R3HCC1L: variants seen among roughly 807,000 people sequenced by gnomAD.
The protein encoded by R3HCC1L is R3H domain and coiled-coil containing 1 like.
R3HCC1L carries 51 observed loss-of-function variants against 59.9 expected under a neutral mutation model. That is an observed-to-expected ratio of 0.85 (90% CI 0.68 to 1.07). The LOEUF is 1.07. Among genes scored for constraint, R3HCC1L ranks in the 50% least tolerant of loss-of-function variants. The pLI is 0.00. For missense variants in R3HCC1L, 965 were observed against 933.0 expected (o/e 1.03, Z -0.45); for synonymous variants, 322 against 315.2 (o/e 1.02, Z -0.23).
intron 2 of R3HCC1L, among the ~76,000 whole-genome samples, chr10:98,160,322 A>T (rs1016029692): frequency 6.6e-6 from 1 of 152,260 alleles, no homozygotes. Context: ...TTACAAGTGT[A>T]AAATGTACAT....
chr10:98,177,252 T>G (rs911522716), intron 4 of R3HCC1L, among the ~76,000 whole-genome samples: 5 of 152,074 alleles, frequency 3.3e-5, no homozygotes, highest in African/African-American at 1.2e-4. Flanking sequence ...CATTGTTCAA[T>G]TCCCACCTAT....
At chr10:98,204,184 G>A (rs961968966) in intron 4 of R3HCC1L, among the ~76,000 whole-genome samples, 3 of 152,140 alleles carry the variant, frequency 2.0e-5, no homozygotes, top group Admixed American at 6.5e-5. Flanking sequence ...CCACGTGGGC[G>A]GATCACCTGA....
intron 7 of R3HCC1L, 93 bp from the exon 8 acceptor site, chr10:98,235,332 C>G (rs1262040017): frequency 9.5e-7 from 1 of 1,049,996 alleles, no homozygotes; most frequent in Admixed American, 2.4e-5. Flanking sequence ...GAAAAAAAAG[C>G]ATAACATCTA....
intron 1 of R3HCC1L, among the ~76,000 whole-genome samples, chr10:98,152,631 T>C (rs1465756943): frequency 1.7e-5 from 2 of 119,508 alleles, no homozygotes; most frequent in Non-Finnish European, 3.7e-5. Context: ...GGGGAGCGCC[T>C]CTGCCCCGCC....
At chr10:98,229,927 A>C (rs1262636835) in intron 5 of R3HCC1L, among the ~76,000 whole-genome samples, 5 of 152,198 alleles carry the variant, frequency 3.3e-5, no homozygotes, top group African/African-American at 9.6e-5. Flanking sequence ...CCCAGGGATG[A>C]AGCCAACTTG....
In R3HCC1L at chr10:98,244,250, C is replaced by A; in HGVS notation, c.*92C>A. The A allele has an allele frequency of 8.2e-7, 1 of 1,215,456 alleles. No homozygotes were observed. Among genetic ancestry groups the A allele is most frequent in the Non-Finnish European group, 1.2e-6 (1 of 830,448 alleles). The allele number at this position is 1,215,456 out of a possible 1,614,324, so 75.3% of individuals were successfully genotyped here. A position where few individuals can be genotyped will look rare whatever the true frequency, so the allele number is the denominator to read the frequency against. On this transcript the variant is annotated 3_prime_UTR_variant, in exon 10 of 10. Transcript: ENST00000298999. Reference sequence around the variant, plus strand: ...ATCCTTCCAGAGCTCTATGTACATGCAGATGTGCATGTTAAAGAGATAAAG... The same window carrying A: ...ATCCTTCCAGAGCTCTATGTACATGAAGATGTGCATGTTAAAGAGATAAAG...
Position 98,209,634 on chromosome 10 carries a change from T to C in R3HCC1L, c.1520T>C (p.Ile507Thr), listed in dbSNP as rs1343307259. Residue 507 changes from isoleucine (I) to threonine (T), a missense_variant, in exon 5 of 10, where the codon ATT becomes ACT. Physicochemically the swap from Ile to Thr is moderately conservative, Grantham distance 89 (BLOSUM62 -1). Coordinates refer to ENST00000298999, the MANE Select transcript of R3HCC1L (RefSeq NM_001351015.2). ...GTTCTTTCAGACAGTGCCGTGGGCA[T>C]TGACCTGGGTAGTACTGGTGATACA... ...TKVLSDSAVG[I>T]DLGSTGDTTE... is the part of the protein sequence containing the mutation. 6.2e-7 allele frequency: 1 copy of C among 1,614,044 alleles called. No individual in the cohort carries two copies.
chr10:98,157,345 A>G (rs762506105), intron 2 of R3HCC1L, among the ~76,000 whole-genome samples: 3 of 152,204 alleles, frequency 2.0e-5, no homozygotes, highest in Non-Finnish European at 4.4e-5. Flanking sequence ...GATAGATTTT[A>G]GGTTCAATAT....
At chr10:98,203,228 T>G (rs1441787766) in intron 4 of R3HCC1L, among the ~76,000 whole-genome samples, 1 of 152,036 alleles carries the variant, frequency 6.6e-6, no homozygotes, top group East Asian at 1.9e-4. Context: ...TCAAAAATAT[T>G]CAGGAAAAAA....
At chr10:98,237,331 G>A (rs1349645296) in intron 9 of R3HCC1L, among the ~76,000 whole-genome samples, 1 of 152,138 alleles carries the variant, frequency 6.6e-6, no homozygotes, top group Non-Finnish European at 1.5e-5. Context: ...TTTGTTAATT[G>A]GTTGTCTCTG....
intron 4 of R3HCC1L, among the ~76,000 whole-genome samples, chr10:98,165,002 G>A (rs909742014): frequency 2.6e-5 from 4 of 152,160 alleles, no homozygotes; most frequent in South Asian, 2.1e-4. Flanking sequence ...GCTCACCCCC[G>A]TAATCCCAGC....
intron 4 of R3HCC1L, among the ~76,000 whole-genome samples, chr10:98,184,958 A>AT (rs1188410318): frequency 2.0e-5 from 3 of 152,078 alleles, no homozygotes; most frequent in Non-Finnish European, 4.4e-5. Flanking sequence ...CTTTCCTTAG[A>AT]TTTTAGATCA....
intron 4 of R3HCC1L, among the ~76,000 whole-genome samples, chr10:98,193,450 C>T (rs1851082147): frequency 6.6e-6 from 1 of 152,004 alleles, no homozygotes; most frequent in African/African-American, 2.4e-5. Flanking sequence ...ATCAACTCTC[C>T]AAAATCACTT....
At chr10:98,204,199 G>A (rs920428988) in intron 4 of R3HCC1L, among the ~76,000 whole-genome samples, 1 of 152,040 alleles carries the variant, frequency 6.6e-6, no homozygotes, top group African/African-American at 2.4e-5. Context: ...ACCTGAGGTC[G>A]GGAGTTTGAG....
chr10:98,235,989 G>T (rs1856897602), intron 8 of R3HCC1L, 35 bp from the exon 9 acceptor site: 3 of 1,594,918 alleles, frequency 1.9e-6, no homozygotes, highest in East Asian at 2.2e-5. Flanking sequence ...CTCTCTTCTT[G>T]ACTCCTTCCT....
At chr10:98,242,135 A>G (rs1857590093) in intron 9 of R3HCC1L, among the ~76,000 whole-genome samples, 1 of 152,232 alleles carries the variant, frequency 6.6e-6, no homozygotes, top group Admixed American at 6.5e-5. Flanking sequence ...ACCTGAGCTC[A>G]GGAGTTCAAG....
intron 5 of R3HCC1L, among the ~76,000 whole-genome samples, chr10:98,223,250 A>T (rs897030258): frequency 6.6e-6 from 1 of 152,234 alleles, no homozygotes; most frequent in African/African-American, 2.4e-5. Flanking sequence ...AGAGAATTTT[A>T]GACCAATATC....
At chr10:98,222,139 C>T (rs1855065121) in intron 5 of R3HCC1L, among the ~76,000 whole-genome samples, 1 of 152,120 alleles carries the variant, frequency 6.6e-6, no homozygotes, top group South Asian at 2.1e-4. Flanking sequence ...CTTTTTGAAG[C>T]AATTGTGAGT....
rs758153777 is a variant in R3HCC1L, at chr10:98,208,775, C to G, written c.661C>G (p.Pro221Ala). ...GGTTTTGGAGATACTATATGAGTTT[C>G]CTAGAGTTTTTAGTTCTGTCATGAA... ...TKVLEILYEF[P>A]RVFSSVMKPE... The change falls in exon 5 of 10, where the codon CCT becomes GCT. Residue 221 changes from proline to alanine, a missense_variant. Pro to Ala is a conservative substitution (Grantham distance 27). Coordinates refer to ENST00000298999, the MANE Select transcript of R3HCC1L (RefSeq NM_001351015.2). The G allele has an allele frequency of 6.2e-7, 1 of 1,614,004 alleles. No homozygotes were observed.
Sources: allele counts gnomAD v4.1 joint callset (sites outside exome capture counted in the v4.1 genomes callset), GRCh38; gene constraint gnomAD v4.1.1; transcripts MANE v1.5; gene names NCBI Gene and HGNC (gene_info 2026-07-23, HGNC 2026-07-21).